BNC2: variants seen among roughly 807,000 people sequenced by gnomAD.
BNC2 encodes the protein zinc finger protein basonuclin-2.
BNC2 carries 20 observed loss-of-function variants against 76.3 expected under a neutral mutation model. The ratio of observed to expected loss-of-function variants is 0.26; its 90% confidence interval spans 0.18 to 0.38. BNC2 has a LOEUF of 0.38. Ranked by LOEUF, BNC2 falls within the 10% of genes least tolerant of loss-of-function variation. The probability of loss-of-function intolerance (pLI) is 1.00; values close to 1 mark genes in which losing one functional copy is unlikely to be tolerated. For missense variants in BNC2, 1,382 were observed against 1,399.8 expected (o/e 0.99, Z 0.20); for synonymous variants, 582 against 514.8 (o/e 1.13, Z -1.77).
chr9:16,703,184 A>C (rs1343615679), intron 3 of BNC2, among the ~76,000 whole-genome samples: 2 of 152,324 alleles, frequency 1.3e-5, no homozygotes, highest in East Asian at 3.9e-4. Context: ...TCCTTTTCAC[A>C]GTTTAAAAAA....
At position 16,524,356 on chromosome 9, in the gene BNC2, A is replaced by G. The variant is rs192815056; in HGVS notation, c.669+28174T>C. On this transcript the variant is annotated intron_variant, in intron 5 of 6. Transcript: ENST00000380672. ...CCTAGGTCGTTAGGAGTTTCAGAGT[A>G]AGAGAACATCCTAGGTGGTAAGGAG... Among the ~76,000 whole-genome samples the G allele has an allele frequency of 3.9e-5, 6 of 152,274 alleles. No individual in the cohort carries two copies. The East Asian group carries it at 1.2e-3, about 29-fold the overall frequency.
chr9:16,728,641 G>T (rs987969081), intron 2 of BNC2, among the ~76,000 whole-genome samples: 1 of 151,322 alleles, frequency 6.6e-6, no homozygotes, highest in African/African-American at 2.4e-5. Flanking sequence ...AAGTCATCTC[G>T]TATGTGCTGG....
intron 2 of BNC2, among the ~76,000 whole-genome samples, chr9:16,736,922 C>G (rs1031031978): frequency 2.6e-5 from 4 of 151,810 alleles, no homozygotes; most frequent in Non-Finnish European, 1.5e-5. Context: ...TTCTACTGCC[C>G]CAGCCTCCCG....
rs541819983 is a variant in BNC2 at position 16,513,474 on chromosome 9, T to C, written c.669+39056A>G. Among the ~76,000 whole-genome samples the C allele has an allele frequency of 7.9e-4, 120 of 151,992 alleles. 2 individuals carry two copies. In the East Asian group the frequency reaches 0.014, roughly 17 times the overall value. On this transcript the variant is annotated intron_variant, in intron 5 of 6. Transcript: ENST00000380672. The stretch of plus-strand genomic sequence containing the variant: ...GGTGCCTGCCACCATGCCCCGCTAA[T>C]TTTTTGTATTTTTAGTGGAGACGGG...
At chr9:16,784,114 A>G (rs1198495925) in intron 1 of BNC2, among the ~76,000 whole-genome samples, 2 of 152,230 alleles carry the variant, frequency 1.3e-5, no homozygotes, top group Non-Finnish European at 2.9e-5. Flanking sequence ...AATAAGAAAC[A>G]AACATGACTA....
At chr9:16,439,115 G>T (rs988562411) in intron 5 of BNC2, among the ~76,000 whole-genome samples, 1 of 152,172 alleles carries the variant, frequency 6.6e-6, no homozygotes, top group Non-Finnish European at 1.5e-5. Flanking sequence ...ATGTGACTTT[G>T]CTCCTCCTTT....
rs1184943250 is a variant in BNC2, at chr9:16,575,306, T to C, written c.433+7677A>G. 2.1e-5 allele frequency: 21 copies of C among 985,310 alleles called. No homozygotes were observed. The Admixed American group carries it at 1.2e-3, about 55-fold the overall frequency. 61.0% of individuals were successfully genotyped at this position (985,310 alleles called of 1,614,324 possible). On this transcript the variant is annotated intron_variant, in intron 4 of 6. Transcript: ENST00000380672. ...GGATACAGCTCTGTGTGTTTCATTC[T>C]CAACACCCTCCCACGAAACTCCTTA...
At chr9:16,485,741 C>G (rs570203603) in intron 5 of BNC2, among the ~76,000 whole-genome samples, 14 of 151,954 alleles carry the variant, frequency 9.2e-5, no homozygotes, top group Non-Finnish European at 2.1e-4. Flanking sequence ...CCCACGAGGG[C>G]GAGACTGTAG....
intron 3 of BNC2, among the ~76,000 whole-genome samples, chr9:16,611,190 C>T (rs191579247): frequency 9.1e-4 from 138 of 152,114 alleles, no homozygotes; most frequent in Non-Finnish European, 1.4e-3. Flanking sequence ...AAACTGCAGC[C>T]GAAATATATT....
At chr9:16,492,579 T>C (rs1176778090) in intron 5 of BNC2, among the ~76,000 whole-genome samples, 1 of 152,200 alleles carries the variant, frequency 6.6e-6, no homozygotes, top group African/African-American at 2.4e-5. Context: ...TGTGTTTACC[T>C]GGCAGGTTGT....
chr9:16,698,192 T>G (rs533842225), intron 3 of BNC2, among the ~76,000 whole-genome samples: 2 of 152,290 alleles, frequency 1.3e-5, no homozygotes, highest in East Asian at 3.9e-4. Flanking sequence ...CAGAACAGAT[T>G]TGCCAATCTC....
In BNC2 at chr9:16,805,908, G is replaced by C. The variant is rs573608524; in HGVS notation, c.3+64738C>G. ...ATATATTTTACCTATATTGGTAACTGATTACAAATTTTTAGTGTAACAGTA... is the reference window on the plus strand; with the variant it reads ...ATATATTTTACCTATATTGGTAACTCATTACAAATTTTTAGTGTAACAGTA... On this transcript the variant is annotated intron_variant, in intron 1 of 6. Transcript: ENST00000380672. Among the ~76,000 whole-genome samples the C allele has an allele frequency of 2.0e-5, 3 of 152,246 alleles. No individual in the cohort carries two copies. The South Asian group carries it at 6.2e-4, about 32-fold the overall frequency.
intron 1 of BNC2, among the ~76,000 whole-genome samples, chr9:16,842,899 G>T (rs764002439): frequency 9.2e-5 from 14 of 152,068 alleles, no homozygotes; most frequent in Non-Finnish European, 1.6e-4. Flanking sequence ...TTACAGGTGT[G>T]CACCACCACA....
intron 3 of BNC2, among the ~76,000 whole-genome samples, chr9:16,630,903 C>A (rs1393036446): frequency 6.6e-6 from 1 of 151,936 alleles, no homozygotes; most frequent in Non-Finnish European, 1.5e-5. Context: ...CCACGCCCAG[C>A]TAATTTTGTA....
chr9:16,516,426 A>T (rs1402887809), intron 5 of BNC2, among the ~76,000 whole-genome samples: 1 of 152,134 alleles, frequency 6.6e-6, no homozygotes. Flanking sequence ...AGTGGATAAC[A>T]GTTATGCAGC....
chr9:16,661,522 T>C (rs1170774241), intron 3 of BNC2, among the ~76,000 whole-genome samples: 3 of 152,194 alleles, frequency 2.0e-5, no homozygotes, highest in African/African-American at 7.2e-5. Context: ...TGTCTCATAA[T>C]TTCCGAGGCC....
intron 1 of BNC2, among the ~76,000 whole-genome samples, chr9:16,788,865 T>C (rs1290460914): frequency 6.6e-6 from 1 of 152,032 alleles, no homozygotes; most frequent in African/African-American, 2.4e-5. Context: ...TCCCACCTGT[T>C]TTTCCTTCTA....
chr9:16,795,387 T>C (rs1315691915), intron 1 of BNC2, among the ~76,000 whole-genome samples: 1 of 151,460 alleles, frequency 6.6e-6, no homozygotes, highest in Non-Finnish European at 1.5e-5. Context: ...TTCTGGCTTT[T>C]TTTTTTTTTT....
chr9:16,788,173 G>C (rs1167490663), intron 1 of BNC2, among the ~76,000 whole-genome samples: 3 of 152,132 alleles, frequency 2.0e-5, no homozygotes, highest in Non-Finnish European at 4.4e-5. Context: ...GCAAACCATA[G>C]CTATCTCCGC....
Sources: gnomAD v4.1 joint callset for allele counts (sites outside exome capture counted in the v4.1 genomes callset) on GRCh38, gnomAD v4.1.1 for gene constraint, MANE v1.5 for transcripts, NCBI Gene and HGNC (gene_info 2026-07-23, HGNC 2026-07-21) for gene names.